Variants in LDAF1 observed in about 807,000 individuals in gnomAD.
The protein encoded by LDAF1 is PROMETHIN.
A neutral mutation model predicts 13.5 loss-of-function variants in LDAF1; 7 were observed. The ratio of observed to expected loss-of-function variants is 0.52; its 90% CI spans 0.29 to 0.97. The LOEUF (loss-of-function observed/expected upper bound fraction) is 0.97. LDAF1 is among the 50% of genes least tolerant of loss of function. The probability of loss-of-function intolerance (pLI) is 0.07; values close to 1 mark genes in which losing one functional copy is unlikely to be tolerated. For missense variants in LDAF1, 148 were observed against 193.2 expected (o/e 0.77, Z 1.39); for synonymous variants, 69 against 77.1 (o/e 0.89, Z 0.55).
At chr16:21,170,681 T>A (rs905189502) in intron 3 of LDAF1, 76 bp downstream of exon 3, 13 of 1,571,196 alleles carry the variant, frequency 8.3e-6, no homozygotes, top group East Asian at 6.7e-5. Flanking sequence ...CATTTAAAAA[T>A]TTTTTTAAGG....
intron 2 of LDAF1, chr16:21,166,919 C>A (rs2093029634): frequency 2.6e-6 from 4 of 1,535,246 alleles, no homozygotes; most frequent in Admixed American, 2.0e-5. Flanking sequence ...AAGGTGATTC[C>A]TGCTACAGTC....
At chr16:21,176,784 C>T (rs2093142087) in intron 4 of LDAF1, among the ~76,000 whole-genome samples, 2 of 151,506 alleles carry the variant, frequency 1.3e-5, no homozygotes, top group African/African-American at 4.9e-5. Context: ...CTTGTGGTCC[C>T]AGCTACTCAA....
At chr16:21,159,337 C>G (rs758012502) in intron 1 of LDAF1, 20 of 1,614,018 alleles carry the variant, frequency 1.2e-5, no homozygotes, top group Non-Finnish European at 1.6e-5. Context: ...GCATTTCACT[C>G]CCTTCCTCCT....
At chr16:21,164,885 T>G (rs896768454) in intron 2 of LDAF1, among the ~76,000 whole-genome samples, 19 of 152,200 alleles carry the variant, frequency 1.2e-4, no homozygotes, top group African/African-American at 4.6e-4. Flanking sequence ...TTAAATAGTG[T>G]TAGGTCGTTC....
intron 2 of LDAF1, among the ~76,000 whole-genome samples, chr16:21,166,681 G>T (rs151095973): frequency 1.3e-5 from 2 of 152,206 alleles, no homozygotes; most frequent in African/African-American, 4.8e-5. Flanking sequence ...CCCCACTGTG[G>T]TTCTTTGGAT....
Position 21,161,120 on chromosome 16 carries a change from G to T in LDAF1, c.-63G>T. The T allele has an allele frequency of 6.3e-7, 1 of 1,598,894 alleles. No individual in the cohort carries two copies. The highest frequency in any genetic ancestry group is 8.5e-7 in the Non-Finnish European group (1 of 1,173,814). Reference sequence around the variant, plus strand: ...AGCGACATGAGAGATTGGACCGCGGGCTGCACTGGAGAATTTACTGGTAGG... The same window carrying T: ...AGCGACATGAGAGATTGGACCGCGGTCTGCACTGGAGAATTTACTGGTAGG... On this transcript the variant is annotated 5_prime_UTR_variant, in exon 2 of 5. Coordinates refer to ENST00000233047, the MANE Select transcript of LDAF1 (RefSeq NM_001301771.2).
intron 4 of LDAF1, among the ~76,000 whole-genome samples, chr16:21,177,492 G>A (rs1322420979): frequency 6.6e-6 from 1 of 152,028 alleles, no homozygotes; most frequent in East Asian, 1.9e-4. Flanking sequence ...GAGTCATGCA[G>A]ATCTTCCAAA....
At chr16:21,175,366 G>A (rs981695193) in intron 4 of LDAF1, among the ~76,000 whole-genome samples, 6 of 152,146 alleles carry the variant, frequency 3.9e-5, no homozygotes, top group Admixed American at 6.5e-5. Flanking sequence ...GCACAGAAGG[G>A]ACTTAATTCC....
Position 21,173,170 on chromosome 16 carries a change from T to C in LDAF1, c.266-840T>C, listed in dbSNP as rs1238132734. On this transcript the variant is annotated intron_variant, in intron 3 of 4. Coordinates refer to ENST00000233047, the MANE Select transcript of LDAF1 (RefSeq NM_001301771.2). ...ATCAGACCTTAAGATTAAAATGTGA[T>C]GGTTTACAGGCTGGATTTTCAAGGA... Among the ~76,000 whole-genome samples, 3 of 152,188 alleles carry C rather than the reference T, an allele frequency of 2.0e-5. No homozygotes were observed. In the East Asian group the frequency reaches 5.8e-4, roughly 29 times the overall value.
In LDAF1 at chr16:21,161,089, AG is replaced by A; in HGVS notation, c.-93del. On this transcript the variant is annotated 5_prime_UTR_variant, in exon 2 of 5. Coordinates refer to ENST00000233047, the MANE Select transcript of LDAF1 (RefSeq NM_001301771.2). Reference sequence around the variant, plus strand: ...TTTTGTTTCCTCTGGTAACAGCAAGAGACAGAGCGACATGAGAGATTGGACC... The same window carrying A: ...TTTTGTTTCCTCTGGTAACAGCAAGAACAGAGCGACATGAGAGATTGGACC... 1 of 1,552,332 alleles carries A rather than the reference AG, an allele frequency of 6.4e-7. No homozygotes were observed.
At chr16:21,159,407 G>A in intron 1 of LDAF1, 5 of 1,614,078 alleles carry the variant, frequency 3.1e-6, no homozygotes, top group Non-Finnish European at 4.2e-6. Flanking sequence ...GGGAGGGGCG[G>A]CCAGTGTGAG....
At chr16:21,174,736 G>A (rs2093123986) in intron 4 of LDAF1, among the ~76,000 whole-genome samples, 1 of 152,152 alleles carries the variant, frequency 6.6e-6, no homozygotes, top group African/African-American at 2.4e-5. Context: ...TTTAAAAGAT[G>A]TCCATTTAAT....
At chr16:21,159,269 T>C in intron 1 of LDAF1, 1 of 1,466,590 alleles carries the variant, frequency 6.8e-7, no homozygotes. Flanking sequence ...TCGACTCCCC[T>C]CTGAGTTCCC....
chr16:21,179,586 A>C lies in LDAF1; in HGVS notation c.*30A>C, dbSNP rs764314452. 1.3e-6 allele frequency: 2 copies of C among 1,592,692 alleles called. No homozygotes were observed. Among genetic ancestry groups the C allele is most frequent in the Admixed American group, 1.7e-5 (1 of 59,746 alleles). On this transcript the variant is annotated 3_prime_UTR_variant, in exon 5 of 5. Coordinates refer to ENST00000233047, the MANE Select transcript of LDAF1 (RefSeq NM_001301771.2). ...CTGCTCAGAGGCCGGGCTTCTTTTC[A>C]AGTACTGCTGGATCATACTCACCCC...
chr16:21,173,827 C>T (rs2152848872), intron 3 of LDAF1, among the ~76,000 whole-genome samples, 183 bp from the exon 4 acceptor site: 1 of 152,286 alleles, frequency 6.6e-6, no homozygotes, highest in Non-Finnish European at 1.5e-5. Context: ...GGTTTGATGC[C>T]CACTCAGGTA....
intron 2 of LDAF1, chr16:21,165,576 T>C (rs2093016265): frequency 3.0e-6 from 3 of 984,102 alleles, no homozygotes; most frequent in Non-Finnish European, 3.6e-6. Context: ...TTCTCTTCCC[T>C]CTCTGCCATC....
At chr16:21,159,474 C>G (rs1354293282) in intron 1 of LDAF1, 2 of 1,601,990 alleles carry the variant, frequency 1.2e-6, no homozygotes, top group African/African-American at 2.7e-5. Flanking sequence ...CTCCTCCCAG[C>G]TTGAACTTTC....
chr16:21,178,312 A>T, intron 4 of LDAF1: 1 of 985,352 alleles, frequency 1.0e-6, no homozygotes, highest in Non-Finnish European at 1.2e-6. Context: ...ACTACCCCAT[A>T]TCATAATCTT....
chr16:21,161,960 T>C (rs1479744435), intron 2 of LDAF1, among the ~76,000 whole-genome samples: 1 of 151,968 alleles, frequency 6.6e-6, no homozygotes, highest in Non-Finnish European at 1.5e-5. Flanking sequence ...AAGTTCGAGA[T>C]CAGCCTGGCG....
Sources: gnomAD v4.1 joint callset for allele counts (sites outside exome capture counted in the v4.1 genomes callset) on GRCh38, gnomAD v4.1.1 for gene constraint, MANE v1.5 for transcripts, NCBI Gene and HGNC (gene_info 2026-07-23, HGNC 2026-07-21) for gene names.